Variants in POLR3B observed in about 807,000 individuals in gnomAD.
The protein encoded by POLR3B is RNA polymerase III subunit B.
In POLR3B, 96 loss-of-function variants were observed where a neutral mutation model predicts 147.4. That is an observed-to-expected ratio of 0.65 (90% CI 0.55 to 0.77). The LOEUF is 0.77. Among genes scored for constraint, POLR3B ranks in the 30% least tolerant of loss-of-function variants. The pLI is 0.00. For missense variants in POLR3B, 1,036 were observed against 1,413.5 expected (o/e 0.73, Z 4.28); for synonymous variants, 461 against 485.9 (o/e 0.95, Z 0.67).
In POLR3B at chr12:106,411,408, G is replaced by A. The variant is rs559000602; in HGVS notation, c.1101+448G>A. 4.6e-5 allele frequency among the ~76,000 whole-genome samples: 7 copies of A among 152,314 alleles called. No individual in the cohort carries two copies. The East Asian group carries it at 1.4e-3, about 29-fold the overall frequency. The stretch of plus-strand genomic sequence containing the variant: ...CCATCTCAGCCTCCCAAAGTGCTGG[G>A]ATTACAGGCGTGAGCCACCATGCCC... On this transcript the variant is annotated intron_variant, in intron 12 of 27. Coordinates refer to ENST00000228347, the MANE Select transcript of POLR3B (RefSeq NM_018082.6).
At chr12:106,464,556 A>G (rs1357152915) in intron 23 of POLR3B, among the ~76,000 whole-genome samples, 1 of 152,188 alleles carries the variant, frequency 6.6e-6, no homozygotes, top group African/African-American at 2.4e-5. Flanking sequence ...CTTAATTACT[A>G]GGCCACACTG....
chr12:106,369,360 A>G lies in POLR3B; in HGVS notation c.303+10A>G. ...AGTGTCCCCTCATGAGGTAATTATG[A>G]ACCTTACTTTAATTGGACTTGTTTG... is the stretch of plus-strand genomic sequence containing the variant. On this transcript the variant is annotated intron_variant, in intron 5 of 27. Transcript: ENST00000228347. 6.8e-7 allele frequency: 1 copy of G among 1,474,400 alleles called. No individual in the cohort carries two copies. The highest frequency in any genetic ancestry group is 2.3e-5 in the East Asian group (1 of 44,188). The allele number at this position is 1,474,400 out of a possible 1,614,324, so 91.3% of individuals were successfully genotyped here. A position where few individuals can be genotyped will look rare whatever the true frequency, so the allele number is the denominator to read the frequency against.
Position 106,509,682 on chromosome 12 carries a change from A to G in POLR3B, c.*133A>G. ...TCTCTCTCTAAAACAACCAAAAAAA[A>G]ATGGAGAGGCTTTTTATATACTCTA... On this transcript the variant is annotated 3_prime_UTR_variant, in exon 28 of 28. Coordinates refer to ENST00000228347, the MANE Select transcript of POLR3B (RefSeq NM_018082.6). The G allele has an allele frequency of 2.5e-6, 2 of 802,738 alleles. No individual in the cohort carries two copies. Among genetic ancestry groups the G allele is most frequent in the East Asian group, 2.8e-5 (1 of 35,438 alleles). 49.7% of individuals were successfully genotyped at this position (802,738 alleles called of 1,614,324 possible).
chr12:106,436,536 A>T lies in POLR3B; in HGVS notation c.1782-521A>T, dbSNP rs116426510. On this transcript the variant is annotated intron_variant, in intron 16 of 27. Coordinates refer to ENST00000228347, the MANE Select transcript of POLR3B (RefSeq NM_018082.6). ...CTCAGTGATGTTTAGACTAAATCAA[A>T]CTACTCTAAACATCTGGATATTCAT... Among the ~76,000 whole-genome samples the T allele has an allele frequency of 4.4e-3, 665 of 152,242 alleles. 3 individuals are homozygous for T. The highest frequency in any genetic ancestry group is 0.015 in the African/African-American group (640 of 41,550).
chr12:106,374,736 T>G (rs2036655155), intron 6 of POLR3B, among the ~76,000 whole-genome samples: 1 of 152,164 alleles, frequency 6.6e-6, no homozygotes. Context: ...CAGGATGGTC[T>G]CGATCCCTTG....
chr12:106,378,808 A>G lies in POLR3B; in HGVS notation c.614+424A>G, dbSNP rs561459765. On this transcript the variant is annotated intron_variant, in intron 8 of 27. Coordinates refer to ENST00000228347, the MANE Select transcript of POLR3B (RefSeq NM_018082.6). ...ATTGAATGACCTGTATCATGGACTT[A>G]ACACCCTATTGTTAGTTTTCTAGAC... Among the ~76,000 whole-genome samples, 17 of 152,282 alleles carry G rather than the reference A, an allele frequency of 1.1e-4. No homozygotes were observed. The South Asian group carries it at 3.5e-3, about 32-fold the overall frequency.
intron 12 of POLR3B, among the ~76,000 whole-genome samples, chr12:106,414,221 T>TA (rs5800711): frequency 0.14 from 16,534 of 121,050 alleles, 1,265 homozygotes; most frequent in Middle Eastern, 0.21. Flanking sequence ...GATACAAAAG[T>TA]AAAAAAAAAA....
chr12:106,438,560 A>G (rs1593041681), intron 18 of POLR3B, among the ~76,000 whole-genome samples: 1 of 152,130 alleles, frequency 6.6e-6, no homozygotes, highest in African/African-American at 2.4e-5. Flanking sequence ...CAGTGGCACA[A>G]CATAGCTCAG....
Position 106,432,372 on chromosome 12 carries a change from G to A in POLR3B, c.1519G>A (p.Glu507Lys). 2 of 1,613,746 alleles carry A rather than the reference G, an allele frequency of 1.2e-6. No individual in the cohort carries two copies. Among genetic ancestry groups the A allele is most frequent in the Non-Finnish European group, 1.7e-6 (2 of 1,179,694 alleles). ...ALMTHITTDM[E>K]DGPIVKLASN... ...TATGACACACATCACAACTGATATG[G>A]AAGATGGACCCATTGTTAAATTAGC... The change falls in exon 15 of 28, where the codon GAA (glutamate) becomes AAA (lysine). Residue 507 changes from glutamate (E) to lysine (K), a missense_variant. Coordinates refer to ENST00000228347, the MANE Select transcript of POLR3B (RefSeq NM_018082.6).
At chr12:106,443,167 A>G (rs1412880749) in intron 18 of POLR3B, among the ~76,000 whole-genome samples, 1 of 152,214 alleles carries the variant, frequency 6.6e-6, no homozygotes, top group Non-Finnish European at 1.5e-5. Context: ...TTAATATAAA[A>G]CTAATGAGCT....
intron 11 of POLR3B, among the ~76,000 whole-genome samples, chr12:106,406,984 C>T (rs1018097774): frequency 2.0e-5 from 3 of 152,120 alleles, no homozygotes; most frequent in South Asian, 2.1e-4. Flanking sequence ...CTGTGGAAGT[C>T]GAGAGTAACC....
At chr12:106,427,151 C>G in intron 12 of POLR3B, 46 bp from the exon 13 acceptor site, 8 of 1,186,908 alleles carry the variant, frequency 6.7e-6, no homozygotes, top group Non-Finnish European at 9.6e-6. Context: ...AATAATCTAG[C>G]AATGCTTTTT....
chr12:106,383,407 CCTTT>C (rs1257445269), intron 9 of POLR3B, among the ~76,000 whole-genome samples: 1 of 152,172 alleles, frequency 6.6e-6, no homozygotes, highest in Non-Finnish European at 1.5e-5. Flanking sequence ...GACACGCCTT[CCTTT>C]CTAAGCTTAA....
chr12:106,370,144 T>C (rs1377716832), intron 6 of POLR3B, among the ~76,000 whole-genome samples: 1 of 152,232 alleles, frequency 6.6e-6, no homozygotes, highest in African/African-American at 2.4e-5. Flanking sequence ...GGGAAATATA[T>C]TGACTCTCCT....
intron 10 of POLR3B, among the ~76,000 whole-genome samples, chr12:106,405,540 A>G (rs1434004085): frequency 1.2e-3 from 1 of 804 alleles, no homozygotes; most frequent in Non-Finnish European, 1.9e-3. Context: ...CTATATGTCT[A>G]CACACACACA....
At chr12:106,370,720 C>T (rs1042938837) in intron 6 of POLR3B, among the ~76,000 whole-genome samples, 1 of 151,194 alleles carries the variant, frequency 6.6e-6, no homozygotes, top group African/African-American at 2.4e-5. Context: ...CAACCTCTGC[C>T]TCCCGGGTTC....
rs2038661931 is a variant in POLR3B, at chr12:106,504,920, G to T, written c.3272+666G>T. On this transcript the variant is annotated intron_variant, in intron 27 of 27. Transcript: ENST00000228347. This position sits in a 1 kb window ranked among gnomAD's most constrained non-coding sequence, Gnocchi z 4.6. Reference sequence around the variant, plus strand: ...AAGACAGTGGATGGCTGCTCCCAAGGAGCTTATCTTCTAGTTCATTCTGAT... The same window carrying T: ...AAGACAGTGGATGGCTGCTCCCAAGTAGCTTATCTTCTAGTTCATTCTGAT... Among the ~76,000 whole-genome samples, 1 of 152,148 alleles carries T rather than the reference G, an allele frequency of 6.6e-6. No homozygotes were observed. Among genetic ancestry groups the T allele is most frequent in the Non-Finnish European group, 1.5e-5 (1 of 68,032 alleles).
chr12:106,427,322 C>G lies in POLR3B; in HGVS notation c.1227C>G (p.Asp409Glu). 1 of 1,613,668 alleles carries G rather than the reference C, an allele frequency of 6.2e-7. No individual in the cohort carries two copies. Residue 409 changes from aspartate to glutamate, a missense_variant, in exon 13 of 28, where the codon GAC becomes GAG. Transcript: ENST00000228347. ...QFDVVKHMRQ[D>E]QITNGMVNAI... ...ATGTTGTCAAACACATGCGCCAAGA[C>G]CAGATCACCAATGGCATGGTGAATG...
chr12:106,440,611 G>A (rs946833306), intron 18 of POLR3B, among the ~76,000 whole-genome samples: 4 of 152,018 alleles, frequency 2.6e-5, no homozygotes, highest in African/African-American at 9.7e-5. Flanking sequence ...ATACCTGCAT[G>A]GCTCACTGCT....
Sources: allele counts gnomAD v4.1 joint callset (sites outside exome capture counted in the v4.1 genomes callset), GRCh38; gene constraint gnomAD v4.1.1; non-coding constraint Gnocchi (gnomAD v3.1); transcripts MANE v1.5; gene names NCBI Gene and HGNC (gene_info 2026-07-23, HGNC 2026-07-21).